The following CFAP299 variants were observed in gnomAD, a reference collection of about 807,000 sequenced individuals.
CFAP299 encodes cilia and flagella associated protein 299, also known as cilia- and flagella-associated protein 299.
CFAP299 carries 21 observed loss-of-function variants against 27.0 expected under a neutral mutation model. That is an observed-to-expected ratio of 0.78 (90% CI 0.55 to 1.12). The LOEUF is 1.12. CFAP299 is among the 50% of genes most tolerant of loss of function. The pLI is 0.00. For missense variants in CFAP299, 310 were observed against 276.6 expected (o/e 1.12, Z -0.86); for synonymous variants, 104 against 98.1 (o/e 1.06, Z -0.36).
intron 4 of CFAP299, among the ~76,000 whole-genome samples, chr4:80,886,095 T>C (rs1198550553): frequency 6.6e-6 from 1 of 152,128 alleles, no homozygotes; most frequent in Non-Finnish European, 1.5e-5. Flanking sequence ...GTGGTGGTAA[T>C]GGGCACAGGG....
intron 4 of CFAP299, among the ~76,000 whole-genome samples, chr4:80,884,920 G>A (rs1466046733): frequency 6.6e-6 from 1 of 152,174 alleles, no homozygotes; most frequent in African/African-American, 2.4e-5. Context: ...ATCGCAGTAT[G>A]TGGTTTTAAT....
intron 3 of CFAP299, among the ~76,000 whole-genome samples, chr4:80,688,708 G>C (rs1337225322): frequency 2.0e-5 from 3 of 152,216 alleles, no homozygotes; most frequent in Non-Finnish European, 4.4e-5. Flanking sequence ...ACTTTGAGAA[G>C]CTGAGAGAAG....
At chr4:80,922,483 A>G (rs931337700) in intron 4 of CFAP299, among the ~76,000 whole-genome samples, 1 of 152,076 alleles carries the variant, frequency 6.6e-6, no homozygotes, top group African/African-American at 2.4e-5. Flanking sequence ...TTGCTGTCCC[A>G]GATAAAAACC....
chr4:80,367,640 T>C lies in CFAP299; in HGVS notation c.242+4756T>C, dbSNP rs1011383511. Among the ~76,000 whole-genome samples, 6 of 152,294 alleles carry C rather than the reference T, an allele frequency of 3.9e-5. No individual in the cohort carries two copies. In the East Asian group the frequency reaches 1.2e-3, roughly 29 times the overall value. ...TCATTCTCCTAGCTTTCTCGTCCTT[T>C]GCTTCAAAATCATCTCTGCTCCACT... On this transcript the variant is annotated intron_variant, in intron 2 of 5. Transcript: ENST00000358105.
chr4:80,596,126 A>G (rs1477017114), intron 3 of CFAP299, among the ~76,000 whole-genome samples: 1 of 152,174 alleles, frequency 6.6e-6, no homozygotes, highest in Admixed American at 6.5e-5. Context: ...GGAGGAAAGC[A>G]GAGAGGGACA....
intron 4 of CFAP299, among the ~76,000 whole-genome samples, chr4:80,904,298 T>G (rs765901748): frequency 4.6e-5 from 7 of 152,158 alleles, no homozygotes; most frequent in Non-Finnish European, 8.8e-5. Context: ...AGATTGGGAA[T>G]AGTTTCAACT....
chr4:80,447,902 A>T (rs1317240614), intron 2 of CFAP299, among the ~76,000 whole-genome samples: 1 of 152,180 alleles, frequency 6.6e-6, no homozygotes, highest in Non-Finnish European at 1.5e-5. Context: ...CATTTCTCTA[A>T]TGCAATTATA....
intron 2 of CFAP299, among the ~76,000 whole-genome samples, chr4:80,451,160 G>T (rs557580964): frequency 6.6e-6 from 1 of 152,124 alleles, no homozygotes; most frequent in East Asian, 1.9e-4. Flanking sequence ...GAGCAGGGTT[G>T]GTCCTTTTGA....
intron 3 of CFAP299, among the ~76,000 whole-genome samples, chr4:80,840,646 C>T (rs1160036773): frequency 5.9e-5 from 9 of 151,898 alleles, no homozygotes; most frequent in Non-Finnish European, 1.5e-5. Flanking sequence ...TGATTTTTTT[C>T]CCCTAGCATG....
chr4:80,322,837 A>G, the CFAP299 span, among the ~76,000 whole-genome samples: 1 of 152,290 alleles, frequency 6.6e-6, no homozygotes, highest in South Asian at 2.1e-4. Flanking sequence ...ATCACACCAC[A>G]TTACAGCCTT....
chr4:80,712,136 C>G (rs757309524), intron 3 of CFAP299, among the ~76,000 whole-genome samples: 1 of 152,148 alleles, frequency 6.6e-6, no homozygotes, highest in Non-Finnish European at 1.5e-5. Flanking sequence ...ATGAGGTAAA[C>G]TTCTTGAAGG....
intron 3 of CFAP299, among the ~76,000 whole-genome samples, chr4:80,818,889 A>T (rs1729557547): frequency 6.6e-6 from 1 of 152,132 alleles, no homozygotes; most frequent in Non-Finnish European, 1.5e-5. Flanking sequence ...ACTGAAGCAC[A>T]TTGAAGGGAG....
chr4:80,480,020 G>A (rs1201423117), intron 2 of CFAP299, among the ~76,000 whole-genome samples: 2 of 152,032 alleles, frequency 1.3e-5, no homozygotes, highest in East Asian at 1.9e-4. Flanking sequence ...TGCAGCTGTA[G>A]CAATTTAATG....
intron 2 of CFAP299, among the ~76,000 whole-genome samples, chr4:80,377,868 G>T (rs778957245): frequency 3.9e-5 from 6 of 152,184 alleles, no homozygotes; most frequent in Non-Finnish European, 7.3e-5. Context: ...CATGGCTGGG[G>T]AGGCCTCTGA....
intron 2 of CFAP299, among the ~76,000 whole-genome samples, chr4:80,504,302 A>G (rs2110154963): frequency 6.6e-6 from 1 of 151,686 alleles, no homozygotes; most frequent in Non-Finnish European, 1.5e-5. Flanking sequence ...GCTGGTGCTC[A>G]TACCTATGGA....
At chr4:80,349,268 A>C (rs1198231876) in intron 1 of CFAP299, among the ~76,000 whole-genome samples, 1 of 152,202 alleles carries the variant, frequency 6.6e-6, no homozygotes, top group Non-Finnish European at 1.5e-5. Context: ...ATGTATTACA[A>C]ATGTCTCTTG....
At chr4:80,699,094 G>T (rs904962911) in intron 3 of CFAP299, among the ~76,000 whole-genome samples, 2 of 152,132 alleles carry the variant, frequency 1.3e-5, no homozygotes, top group African/African-American at 2.4e-5. Context: ...TACTGAAGAA[G>T]TTACTTAAAA....
intron 4 of CFAP299, among the ~76,000 whole-genome samples, chr4:80,911,562 AGTGCATT>A (rs1175947527): frequency 2.6e-5 from 4 of 152,180 alleles, no homozygotes; most frequent in Non-Finnish European, 5.9e-5. Context: ...ATTCAAACTG[AGTGCATT>A]CATCATTCAA....
chr4:80,567,229 C>T (rs1469585012), intron 2 of CFAP299, among the ~76,000 whole-genome samples: 1 of 151,852 alleles, frequency 6.6e-6, no homozygotes, highest in East Asian at 1.9e-4. Flanking sequence ...CTTTACTGTA[C>T]ATTTGATAAT....
Sources: allele counts gnomAD v4.1 joint callset (sites outside exome capture counted in the v4.1 genomes callset), GRCh38; gene constraint gnomAD v4.1.1; transcripts MANE v1.5; gene names NCBI Gene and HGNC (gene_info 2026-07-23, HGNC 2026-07-21).